CARF: variants seen among roughly 807,000 people sequenced by gnomAD.
CARF encodes the protein calcium responsive transcription factor, also known as calcium-responsive transcription factor.
In CARF, 57 loss-of-function variants were observed where a neutral mutation model predicts 82.0. The ratio of observed to expected loss-of-function variants is 0.70; its 90% CI spans 0.56 to 0.87. The LOEUF (loss-of-function observed/expected upper bound fraction) is 0.87, where lower values mean the gene tolerates loss of function less well. Among genes scored for constraint, CARF ranks in the 40% least tolerant of loss-of-function variants. CARF has a pLI of 0.00. For missense variants in CARF, 771 were observed against 855.8 expected, an observed-to-expected ratio of 0.90 and a Z score of 1.24; for synonymous variants, 268 against 290.1, an observed-to-expected ratio of 0.92 and a Z score of 0.77.
intron 14 of CARF, among the ~76,000 whole-genome samples, chr2:202,980,213 C>T (rs1319284326): frequency 6.6e-6 from 1 of 152,110 alleles, no homozygotes; most frequent in Admixed American, 6.6e-5. Flanking sequence ...CTGCTCTGGC[C>T]TCCTAAAGTG....
At chr2:202,927,007 G>A (rs1691959675) in intron 3 of CARF, among the ~76,000 whole-genome samples, 1 of 152,020 alleles carries the variant, frequency 6.6e-6, no homozygotes, top group African/African-American at 2.4e-5. Context: ...TAGAGATAAG[G>A]TTTCATCATG....
intron 11 of CARF, among the ~76,000 whole-genome samples, chr2:202,970,790 A>G (rs1419504004): frequency 6.6e-6 from 1 of 151,998 alleles, no homozygotes; most frequent in African/African-American, 2.4e-5. Context: ...TATTGTAATA[A>G]TTTTATACAG....
At chr2:202,980,759 AT>A (rs1024505773) in intron 14 of CARF, among the ~76,000 whole-genome samples, 5 of 149,686 alleles carry the variant, frequency 3.3e-5, no homozygotes, top group Admixed American at 6.7e-5. Context: ...ACATGTACAT[AT>A]TTTTTCCCTA....
chr2:202,946,632 A>C (rs2058511815), intron 5 of CARF, among the ~76,000 whole-genome samples: 1 of 152,246 alleles, frequency 6.6e-6, no homozygotes, highest in Non-Finnish European at 1.5e-5. Flanking sequence ...ATTGCAACAG[A>C]AGCTAAAGTT....
chr2:202,983,461 CA>C, intron 16 of CARF, 44 bp from the exon 17 acceptor site: 1 of 1,234,618 alleles, frequency 8.1e-7, no homozygotes, highest in Non-Finnish European at 1.2e-6. Context: ...CTTCCAGTGT[CA>C]TGAAATAGAT....
At chr2:202,932,524 C>T (rs1693122790) in intron 3 of CARF, among the ~76,000 whole-genome samples, 1 of 151,954 alleles carries the variant, frequency 6.6e-6, no homozygotes. Flanking sequence ...GGTACAGCTA[C>T]AGTTTGGGAA....
At chr2:202,961,895 T>C in intron 9 of CARF, 1 of 182,032 alleles carries the variant, frequency 5.5e-6, no homozygotes, top group Non-Finnish European at 1.1e-5. Context: ...ACTAAAGTTC[T>C]CAAGCATTAG....
Position 202,924,338 on chromosome 2 carries a change from C to A in CARF, c.-121C>A, listed in dbSNP as rs564941923. 6.6e-6 allele frequency: 1 copy of A among 152,040 alleles called. No homozygotes were observed. The highest frequency in any genetic ancestry group is 2.4e-5 in the African/African-American group (1 of 41,404). 9.4% of individuals were successfully genotyped at this position (152,040 alleles called of 1,614,324 possible). A position where few individuals can be genotyped will look rare whatever the true frequency, so the allele number is the denominator to read the frequency against. On this transcript the variant is annotated 5_prime_UTR_variant, in exon 3 of 17. Coordinates refer to ENST00000438828, the MANE Select transcript of CARF (RefSeq NM_024744.17). ...CCAAGTCCAAGGGTACAAAGATTTTCTCCTGTGTTTTCTTCTAGAAGTTTT... is the reference window on the plus strand; with the variant it reads ...CCAAGTCCAAGGGTACAAAGATTTTATCCTGTGTTTTCTTCTAGAAGTTTT...
chr2:202,953,498 G>GTTTTTTTTTTTGTTT (rs2058859699), intron 6 of CARF, among the ~76,000 whole-genome samples: 1 of 70,292 alleles, frequency 1.4e-5, no homozygotes, highest in Non-Finnish European at 2.5e-5. Context: ...TTTTTTTGTT[G>GTTTTTTTTTTTGTTT]TTTTTTTTTT....
intron 3 of CARF, among the ~76,000 whole-genome samples, chr2:202,939,693 T>C (rs961033501): frequency 4.1e-5 from 6 of 145,512 alleles, no homozygotes; most frequent in East Asian, 2.0e-4. Context: ...TTCTTTTTTT[T>C]TTTTTTTTTT....
intron 4 of CARF, 135 bp downstream of exon 4, chr2:202,942,115 T>A: frequency 1.6e-6 from 1 of 622,302 alleles, no homozygotes; most frequent in Non-Finnish European, 2.8e-6. Flanking sequence ...GGCTGACACC[T>A]GTGATCCCAG....
intron 1 of CARF, among the ~76,000 whole-genome samples, 172 bp from the exon 2 acceptor site, chr2:202,917,705 A>G (rs1161248777): frequency 6.6e-6 from 1 of 152,242 alleles, no homozygotes. Flanking sequence ...AGATACATGT[A>G]GTTACCTGTA....
At chr2:202,941,758 A>G in intron 3 of CARF, 102 bp from the exon 4 acceptor site, 1 of 538,654 alleles carries the variant, frequency 1.9e-6, no homozygotes, top group Non-Finnish European at 3.3e-6. Context: ...TACCTAAATT[A>G]TATAGGGTAC....
chr2:202,952,427 A>G (rs1238719121), intron 5 of CARF, 132 bp from the exon 6 acceptor site: 1 of 850,048 alleles, frequency 1.2e-6, no homozygotes, highest in Non-Finnish European at 1.7e-6. Flanking sequence ...CAATGTTTTC[A>G]TCTATAAAAT....
intron 6 of CARF, 127 bp from the exon 7 acceptor site, chr2:202,953,878 A>T: frequency 1.5e-6 from 1 of 655,396 alleles, no homozygotes; most frequent in Non-Finnish European, 2.3e-6. Context: ...ATAAAGCATT[A>T]TTCCTTTACT....
At chr2:202,933,483 G>T (rs1217549823) in intron 3 of CARF, among the ~76,000 whole-genome samples, 2 of 152,176 alleles carry the variant, frequency 1.3e-5, no homozygotes, top group Admixed American at 1.3e-4. Context: ...AACCTCAGTG[G>T]TGAGGTCTAT....
chr2:202,926,151 T>C (rs1691773486), intron 3 of CARF, among the ~76,000 whole-genome samples: 1 of 152,126 alleles, frequency 6.6e-6, no homozygotes, highest in Admixed American at 6.5e-5. Flanking sequence ...GACCAGAGCC[T>C]GTGGGGGAGG....
rs766617005 is a variant in CARF at position 202,971,584 on chromosome 2, C to T, written c.1177C>T (p.Pro393Ser). ...ETPCLTLSPS[P>S]FPVSSLEEEE... ...TCCCTGCCTCACTTTGTCACCTTCTCCTTTTCCTGTGTCTTCTCTTGAAGA... is the reference window on the plus strand; with the variant it reads ...TCCCTGCCTCACTTTGTCACCTTCTTCTTTTCCTGTGTCTTCTCTTGAAGA... Residue 393 changes from proline to serine, a missense_variant, in exon 12 of 17, where the codon CCT becomes TCT. Transcript: ENST00000438828. The T allele has an allele frequency of 6.2e-7, 1 of 1,613,754 alleles. No homozygotes were observed. Among genetic ancestry groups the T allele is most frequent in the Non-Finnish European group, 8.5e-7 (1 of 1,179,852 alleles).
chr2:202,978,324 GA>G (rs1266850797), intron 14 of CARF, among the ~76,000 whole-genome samples: 1 of 152,178 alleles, frequency 6.6e-6, no homozygotes, highest in Non-Finnish European at 1.5e-5. Flanking sequence ...ATATTGGGGT[GA>G]TTGAAGTGTG....
Sources: allele counts gnomAD v4.1 joint callset (sites outside exome capture counted in the v4.1 genomes callset), GRCh38; gene constraint gnomAD v4.1.1; transcripts MANE v1.5; gene names NCBI Gene and HGNC (gene_info 2026-07-23, HGNC 2026-07-21).